NOLC1: variants seen among roughly 807,000 people sequenced by gnomAD.
The protein encoded by NOLC1 is nucleolar and coiled-body phosphoprotein 1.
In NOLC1, 37 loss-of-function variants were observed where a neutral mutation model predicts 73.4. The ratio of observed to expected loss-of-function variants is 0.50; its 90% CI spans 0.39 to 0.66. The LOEUF (loss-of-function observed/expected upper bound fraction) is 0.66, where lower values mean the gene tolerates loss of function less well. Ranked by LOEUF, NOLC1 falls within the 30% of genes least tolerant of loss-of-function variation. The pLI, the probability that NOLC1 is intolerant of heterozygous loss-of-function variation, is 0.00. For synonymous variants in NOLC1, 327 were observed against 302.6 expected (o/e 1.08, Z -0.84); for missense variants, 921 against 838.9 (o/e 1.10, Z -1.21).
At position 102,159,628 on chromosome 10, in the gene NOLC1, A is replaced by G. The variant is rs1244644549; in HGVS notation, c.859+60A>G. 3.2e-6 allele frequency: 5 copies of G among 1,543,418 alleles called. No individual in the cohort carries two copies. In the African/African-American group the frequency reaches 4.1e-5, roughly 13 times the overall value. On this transcript the variant is annotated intron_variant, in intron 7 of 12. Coordinates refer to ENST00000605788, the MANE Select transcript of NOLC1 (RefSeq NM_004741.5). ...TGGTCAGGGCCCAGCTGCAGTAACC[A>G]CATGGACCTCTCCATAGAGGTGCAT... is the stretch of plus-strand genomic sequence containing the variant.
Position 102,163,249 on chromosome 10 carries a change from G to GGTTTC in NOLC1, c.*981_*982insTTTCG, listed in dbSNP as rs1279301341. The GGTTTC allele has an allele frequency of 7.3e-5, 11 of 151,602 alleles. No homozygotes were observed. 9.4% of individuals were successfully genotyped at this position (151,602 alleles called of 1,614,324 possible). ...GAGAATCACTGATCAAGAAAGTGGG[G>GGTTTC]GGAAAAAAAACAAACGTTAAAACCT... On this transcript the variant is annotated 3_prime_UTR_variant, in exon 13 of 13. Coordinates refer to ENST00000605788, the MANE Select transcript of NOLC1 (RefSeq NM_004741.5).
chr10:102,161,282 G>A (rs930597558), intron 10 of NOLC1, among the ~76,000 whole-genome samples, 189 bp downstream of exon 10: 1 of 151,898 alleles, frequency 6.6e-6, no homozygotes, highest in Non-Finnish European at 1.5e-5. Context: ...CCCAGACCAG[G>A]GTGCAATGGC....
chr10:102,158,695 T>G (rs2069643844), intron 5 of NOLC1, among the ~76,000 whole-genome samples: 1 of 152,212 alleles, frequency 6.6e-6, no homozygotes, highest in Non-Finnish European at 1.5e-5. Flanking sequence ...TGTCATCTTT[T>G]CTAAGAAGAC....
Position 102,162,335 on chromosome 10 carries a change from G to T in NOLC1, c.*66G>T. 1 of 1,566,058 alleles carries T rather than the reference G, an allele frequency of 6.4e-7. No individual in the cohort carries two copies. The highest frequency in any genetic ancestry group is 1.2e-5 in the South Asian group (1 of 84,782). ...ACTACTTACTTTCTCCAGTGGACCT[G>T]GGAACCCTCAGGTCTCTAGGTGAGG... On this transcript the variant is annotated 3_prime_UTR_variant, in exon 13 of 13. Transcript: ENST00000605788.
Position 102,162,399 on chromosome 10 carries a change from CT to C in NOLC1, c.*133del. The C allele has an allele frequency of 2.2e-6, 2 of 913,948 alleles. No individual in the cohort carries two copies. Among genetic ancestry groups the C allele is most frequent in the Non-Finnish European group, 1.7e-6 (1 of 603,978 alleles). 56.6% of individuals were successfully genotyped at this position (913,948 alleles called of 1,614,324 possible). ...CAGAAGTTTAGAGTAGGTCCTAAGA[CT>C]TTACAGTGTAACATCCTCTCTGGTC... On this transcript the variant is annotated 3_prime_UTR_variant, in exon 13 of 13. Transcript: ENST00000605788.
Position 102,161,077 on chromosome 10 carries a change from G to A in NOLC1, c.1725G>A (p.Val575=), listed in dbSNP as rs1357078317. The change falls in exon 10 of 13, where the codon GTG becomes GTA. Residue 575 remains valine, a synonymous_variant. Coordinates refer to ENST00000605788, the MANE Select transcript of NOLC1 (RefSeq NM_004741.5). ...EEEEEKKKAA[V]VVSKSGSLKK... is the part of the protein sequence containing the mutation. ...AAGAAGAAAAGAAAAAGGCGGCAGT[G>A]GTAGTTTCCAAATCAGGTCTGTACC... is the stretch of plus-strand genomic sequence containing the variant. The A allele has an allele frequency of 6.2e-7, 1 of 1,607,852 alleles. No homozygotes were observed. The highest frequency in any genetic ancestry group is 2.2e-5 in the East Asian group (1 of 44,876).
At position 102,160,332 on chromosome 10, in the gene NOLC1, C is replaced by G. The variant is rs1481284914; in HGVS notation, c.1088C>G (p.Ser363Ter). 1 of 1,614,196 alleles carries G rather than the reference C, an allele frequency of 6.2e-7. No homozygotes were observed. The highest frequency in any genetic ancestry group is 8.5e-7 in the Non-Finnish European group (1 of 1,179,994). Residue 363 changes from serine (S) to a stop codon, truncating the protein, a stop_gained, in exon 9 of 13, where the codon TCA becomes TGA. Coordinates refer to ENST00000605788, the MANE Select transcript of NOLC1 (RefSeq NM_004741.5). LOFTEE classifies it high-confidence loss of function. ...GCAAAGAAAGCAGCAGAGAGCTCTT[C>G]AGACAGCTCAGGTAAGGCATATGGA... ...PPAKKAAESS[S>*]DSSDSDSSED...
intron 1 of NOLC1, among the ~76,000 whole-genome samples, chr10:102,154,513 T>G (rs2133751355): frequency 6.6e-6 from 1 of 152,184 alleles, no homozygotes; most frequent in East Asian, 1.9e-4. Flanking sequence ...CTGTACTGAC[T>G]CTGATCATTT....
In NOLC1 at chr10:102,160,565, G is replaced by A. The variant is rs147778794; in HGVS notation, c.1213G>A (p.Ala405Thr). The part of the protein sequence containing the change: ...TKSPAVKPAA[A>T]PKQPVGGGQK... ...GTCACCTGCAGTGAAGCCAGCTGCA[G>A]CCCCCAAGCAACCTGTGGGCGGTGG... Residue 405 changes from alanine to threonine, a missense_variant, in exon 10 of 13, where the codon GCC becomes ACC. Physicochemically the swap from Ala to Thr is moderately conservative, Grantham distance 58 (BLOSUM62 0). Coordinates refer to ENST00000605788, the MANE Select transcript of NOLC1 (RefSeq NM_004741.5). 1.6e-5 allele frequency: 26 copies of A among 1,614,208 alleles called. No homozygotes were observed. The highest frequency in any genetic ancestry group is 3.3e-4 in the Middle Eastern group (2 of 6,062).
intron 10 of NOLC1, 134 bp from the exon 11 acceptor site, chr10:102,161,420 CAG>C: frequency 1.5e-6 from 1 of 672,392 alleles, no homozygotes. Context: ...TTTATAGAGA[CAG>C]AATCTCACTA....
Position 102,157,490 on chromosome 10 carries a change from AG to A in NOLC1, c.377del (p.Ser126IlefsTer62). ...PGKAAAKASE[S>X]SSSEESSDDD... ...GAAGGCTGCAGCCAAAGCATCAGAG[AG>A]TAGCAGCAGTGAAGAGTCCAGTGAT... On this transcript the variant is annotated frameshift_variant, in exon 4 of 13. Transcript: ENST00000605788. LOFTEE classifies it high-confidence loss of function. 1 of 1,614,212 alleles carries A rather than the reference AG, an allele frequency of 6.2e-7. No individual in the cohort carries two copies. The highest frequency in any genetic ancestry group is 8.5e-7 in the Non-Finnish European group (1 of 1,180,038).
rs757100890 is a variant in NOLC1, at chr10:102,157,283, A to G, written c.271A>G (p.Ser91Gly). 1 of 1,614,224 alleles carries G rather than the reference A, an allele frequency of 6.2e-7. No homozygotes were observed. Among genetic ancestry groups the G allele is most frequent in the Non-Finnish European group, 8.5e-7 (1 of 1,180,026 alleles). ...CTCATCCAGTGACAGTGAGGACAGC[A>G]GCGAGGAGGAGGAGGAAGTTCAAGG... ...KASSSDSEDSSEEEEEVQGPP... is the reference protein window; with the variant it reads ...KASSSDSEDSGEEEEEVQGPP... Residue 91 changes from serine to glycine, a missense_variant, in exon 3 of 13, where the codon AGC becomes GGC. By Grantham distance (56) the Ser-to-Gly change is moderately conservative. Coordinates refer to ENST00000605788, the MANE Select transcript of NOLC1 (RefSeq NM_004741.5).
chr10:102,157,580 G>A lies in NOLC1; in HGVS notation c.441+25G>A, dbSNP rs373737918. On this transcript the variant is annotated intron_variant, in intron 4 of 12. Coordinates refer to ENST00000605788, the MANE Select transcript of NOLC1 (RefSeq NM_004741.5). ...GGTTTGCAGCTTTGGGAAGAAAAAGGGGTTTAAGGATTAGAAAGGAAGAAA... is the reference window on the plus strand; with the variant it reads ...GGTTTGCAGCTTTGGGAAGAAAAAGAGGTTTAAGGATTAGAAAGGAAGAAA... The A allele has an allele frequency of 2.6e-5, 42 of 1,608,742 alleles. No homozygotes were observed. In the African/African-American group the frequency reaches 4.7e-4, roughly 18 times the overall value.
chr10:102,157,365 G>T, intron 3 of NOLC1, 37 bp downstream of exon 3: 1 of 1,613,306 alleles, frequency 6.2e-7, no homozygotes, highest in South Asian at 1.1e-5. Context: ...GTGGTGCCAG[G>T]AAAAGAATTT....
chr10:102,158,433 T>G (rs2069638448), intron 5 of NOLC1, among the ~76,000 whole-genome samples: 1 of 152,110 alleles, frequency 6.6e-6, no homozygotes, highest in Non-Finnish European at 1.5e-5. Flanking sequence ...AAATGTGTAT[T>G]TTTTTTAATG....
At chr10:102,159,167 C>G in intron 5 of NOLC1, 26 bp from the exon 6 acceptor site, 1 of 1,583,964 alleles carries the variant, frequency 6.3e-7, no homozygotes. Flanking sequence ...ATACTCCTTA[C>G]TCTTTCTTTT....
intron 1 of NOLC1, among the ~76,000 whole-genome samples, chr10:102,154,507 A>G (rs887927782): frequency 6.6e-6 from 1 of 152,048 alleles, no homozygotes; most frequent in Non-Finnish European, 1.5e-5. Flanking sequence ...TCCCATCTGT[A>G]CTGACTCTGA....
intron 1 of NOLC1, 35 bp downstream of exon 1, chr10:102,152,565 G>A: frequency 6.2e-7 from 1 of 1,612,134 alleles, no homozygotes; most frequent in Non-Finnish European, 8.5e-7. Flanking sequence ...ACCGGGCTGA[G>A]ATGACCACAA....
intron 1 of NOLC1, among the ~76,000 whole-genome samples, chr10:102,154,238 ATTTTT>A (rs71016366): frequency 2.4e-5 from 3 of 126,414 alleles, no homozygotes; most frequent in Non-Finnish European, 5.0e-5. Flanking sequence ...TGCCTGGCTA[ATTTTT>A]TTTTTTTTTT....
Sources: gnomAD v4.1 joint callset for allele counts (sites outside exome capture counted in the v4.1 genomes callset) on GRCh38, gnomAD v4.1.1 for gene constraint, MANE v1.5 for transcripts, NCBI Gene and HGNC (gene_info 2026-07-23, HGNC 2026-07-21) for gene names.